ANO10: variants seen among roughly 807,000 people sequenced by gnomAD.
The protein encoded by ANO10 is anoctamin-10.
In ANO10, 77 loss-of-function variants were observed where a neutral mutation model predicts 74.7. That is an observed-to-expected ratio of 1.03 (90% confidence interval 0.86 to 1.25). The LOEUF (loss-of-function observed/expected upper bound fraction) is 1.25. Ranked by LOEUF, ANO10 falls within the 50% of genes most tolerant of loss-of-function variation. The pLI, the probability that ANO10 is intolerant of heterozygous loss-of-function variation, is 0.00. For synonymous variants in ANO10, 279 were observed against 284.9 expected, an observed-to-expected ratio of 0.98 and a Z score of 0.21; for missense variants, 721 against 778.1, an observed-to-expected ratio of 0.93 and a Z score of 0.87.
chr3:43,375,233 G>A (rs893885695), intron 12 of ANO10, among the ~76,000 whole-genome samples: 2 of 152,044 alleles, frequency 1.3e-5, no homozygotes, highest in Non-Finnish European at 2.9e-5. Context: ...ATCACCTGAG[G>A]TCAGGAGTTT....
intron 11 of ANO10, among the ~76,000 whole-genome samples, chr3:43,541,169 T>C (rs1173193742): frequency 1.3e-5 from 2 of 152,358 alleles, no homozygotes; most frequent in East Asian, 1.9e-4. Context: ...ACTTAGTTTG[T>C]TGTGGGCTCC....
intron 12 of ANO10, among the ~76,000 whole-genome samples, chr3:43,368,686 C>CTT (rs780354509): frequency 7.1e-5 from 10 of 140,856 alleles, no homozygotes; most frequent in African/African-American, 2.1e-4. Flanking sequence ...TTTAAAATGT[C>CTT]TTTTTTTTTT....
intron 11 of ANO10, among the ~76,000 whole-genome samples, chr3:43,526,089 A>C (rs1274853468): frequency 4.6e-5 from 7 of 152,264 alleles, no homozygotes; most frequent in Non-Finnish European, 1.0e-4. Context: ...TTAGAGAAAT[A>C]AAAGCACTTG....
chr3:43,648,673 C>CTTTTT (rs57098436), intron 1 of ANO10, among the ~76,000 whole-genome samples: 3 of 111,268 alleles, frequency 2.7e-5, no homozygotes, highest in East Asian at 5.1e-4. Flanking sequence ...TTTTAGCCCG[C>CTTTTT]TTTTTTTTTT....
chr3:43,679,424 G>T (rs1475550517), intron 1 of ANO10, among the ~76,000 whole-genome samples: 1 of 152,208 alleles, frequency 6.6e-6, no homozygotes, highest in Non-Finnish European at 1.5e-5. Context: ...GGCTTGAGTA[G>T]GTAAACAAAG....
intron 1 of ANO10, chr3:43,690,874 C>G (rs966802722): frequency 4.5e-5 from 52 of 1,143,492 alleles, no homozygotes; most frequent in Non-Finnish European, 5.9e-5. Context: ...CGTGCTAGTG[C>G]GCGGAAGACG....
At chr3:43,552,726 A>ATATATGTATGTATG (rs1553710721) in intron 10 of ANO10, among the ~76,000 whole-genome samples, 2 of 95,602 alleles carry the variant, frequency 2.1e-5, no homozygotes, top group African/African-American at 8.1e-5. Context: ...ATATATATAT[A>ATATATGTATGTATG]TATGTATGTA....
intron 12 of ANO10, among the ~76,000 whole-genome samples, chr3:43,373,738 ATGTCTG>A (rs2091700426): frequency 6.6e-6 from 1 of 152,246 alleles, no homozygotes; most frequent in Admixed American, 6.5e-5. Flanking sequence ...GAAGCTAGTC[ATGTCTG>A]ATTAACTACA....
In ANO10 at chr3:43,643,678, C is replaced by CTTTTT. The variant is rs1310556861; in HGVS notation, c.-11-37816_-11-37815insAAAAA. ...AAGCTTTTCATGTACTTGTCCTCAT[C>CTTTTT]TTTTCTTTTTTTTTTTTTTTTTTTA... is the stretch of plus-strand genomic sequence containing the variant. On this transcript the variant is annotated intron_variant, in intron 1 of 3. Transcript: ENST00000413397. Among the ~76,000 whole-genome samples, 52 of 133,614 alleles carry CTTTTT rather than the reference C, an allele frequency of 3.9e-4. 1 individual carries two copies. Among genetic ancestry groups the CTTTTT allele is most frequent in the African/African-American group, 1.5e-3 (49 of 32,120 alleles). The allele number at this position is 133,614 out of a possible 152,430, so 87.7% of individuals were successfully genotyped here. A position where few individuals can be genotyped will look rare whatever the true frequency, so the allele number is the denominator to read the frequency against.
At chr3:43,625,121 C>T (rs1474928613), upstream of ANO10, among the ~76,000 whole-genome samples, 1 of 152,202 alleles carries the variant, frequency 6.6e-6, no homozygotes, top group Non-Finnish European at 1.5e-5. Flanking sequence ...GACTGTGTCA[C>T]CATACCACTG....
chr3:43,548,057 ATCT>A (rs1218677462), intron 11 of ANO10, among the ~76,000 whole-genome samples: 3 of 152,320 alleles, frequency 2.0e-5, no homozygotes, highest in Admixed American at 6.5e-5. Context: ...TTACCAAGAA[ATCT>A]TCTAATAACC....
chr3:43,474,559 A>T (rs2075995046), intron 11 of ANO10, among the ~76,000 whole-genome samples: 1 of 152,228 alleles, frequency 6.6e-6, no homozygotes, highest in Admixed American at 6.5e-5. Context: ...TTGTATTTTA[A>T]AACAGCTCTT....
chr3:43,450,095 A>C (rs750251658), intron 11 of ANO10, among the ~76,000 whole-genome samples: 6 of 152,254 alleles, frequency 3.9e-5, no homozygotes, highest in Non-Finnish European at 5.9e-5. Flanking sequence ...CACTGCAGGT[A>C]TATGGGTAAG....
chr3:43,637,616 A>C (rs906050220), intron 1 of ANO10: 2 of 151,066 alleles, frequency 1.3e-5, no homozygotes, highest in Admixed American at 6.7e-5. Flanking sequence ...ATAAAGAAGC[A>C]GTAGGGCAGT....
chr3:43,463,390 A>C (rs553540216), intron 11 of ANO10, among the ~76,000 whole-genome samples: 1 of 152,314 alleles, frequency 6.6e-6, no homozygotes, highest in South Asian at 2.1e-4. Context: ...AGCATTTATA[A>C]TTAAAGCTTA....
At chr3:43,508,603 A>T (rs1431543303) in intron 11 of ANO10, among the ~76,000 whole-genome samples, 1 of 152,234 alleles carries the variant, frequency 6.6e-6, no homozygotes, top group Non-Finnish European at 1.5e-5. Context: ...ACCATGGAAT[A>T]CTATGCAGCC....
intron 1 of ANO10, among the ~76,000 whole-genome samples, chr3:43,613,356 G>C (rs1382191525): frequency 2.0e-5 from 3 of 152,124 alleles, no homozygotes; most frequent in African/African-American, 4.8e-5. Flanking sequence ...TTTGGACCAG[G>C]CAATGGGGGA....
At chr3:43,412,692 C>T (rs1575710256) in intron 12 of ANO10, among the ~76,000 whole-genome samples, 1 of 152,282 alleles carries the variant, frequency 6.6e-6, no homozygotes, top group East Asian at 1.9e-4. Flanking sequence ...AGCATGTGTG[C>T]TATGATCTCA....
intron 12 of ANO10, among the ~76,000 whole-genome samples, chr3:43,408,444 G>A (rs1466176938): frequency 6.6e-6 from 1 of 152,168 alleles, no homozygotes; most frequent in African/African-American, 2.4e-5. Context: ...TTTTGAAAAT[G>A]GGTTTTTCAA....
Sources: allele counts gnomAD v4.1 joint callset (sites outside exome capture counted in the v4.1 genomes callset), GRCh38; gene constraint gnomAD v4.1.1; transcripts MANE v1.5; gene names NCBI Gene and HGNC (gene_info 2026-07-23, HGNC 2026-07-21).